TOP6BL: variants seen among roughly 807,000 people sequenced by gnomAD.
The protein encoded by TOP6BL is type 2 DNA topoisomerase 6 subunit B-like.
At chr11:66,819,677 G>A in the TOP6BL span, among the ~76,000 whole-genome samples, 3 of 151,872 alleles carry the variant, frequency 2.0e-5, no homozygotes, top group African/African-American at 7.3e-5. Flanking sequence ...CGAGGCGGGC[G>A]GATCACACTG....
chr11:66,810,282 G>C, the TOP6BL span, among the ~76,000 whole-genome samples: 1 of 152,160 alleles, frequency 6.6e-6, no homozygotes, highest in Non-Finnish European at 1.5e-5. Flanking sequence ...GAAGAAAAAT[G>C]TTGCCAGACG....
At chr11:66,771,388 GCGGATCATGAGGT>G in the TOP6BL span, 1 of 152,102 alleles carries the variant, frequency 6.6e-6, no homozygotes, top group Non-Finnish European at 1.5e-5. Context: ...GCCAAGGTGG[GCGGATCATGAGGT>G]CAGGAGATTG....
the TOP6BL span, among the ~76,000 whole-genome samples, chr11:66,763,270 C>A: frequency 6.6e-6 from 1 of 152,134 alleles, no homozygotes. Context: ...TCCCCTTTTC[C>A]TTTGTAAATT....
chr11:66,791,476 C>A, the TOP6BL span, among the ~76,000 whole-genome samples: 10 of 152,068 alleles, frequency 6.6e-5, no homozygotes, highest in Admixed American at 6.5e-4. Flanking sequence ...TATATTTATA[C>A]ATCTGTACTT....
At chr11:66,827,207 C>T in the TOP6BL span, among the ~76,000 whole-genome samples, 1,646 of 151,670 alleles carry the variant, frequency 0.011, 36 homozygotes, top group African/African-American at 0.037. Context: ...TGCGCCACCA[C>T]GCCCAGCTAA....
At chr11:66,797,007 T>TC in the TOP6BL span, among the ~76,000 whole-genome samples, 1 of 151,258 alleles carries the variant, frequency 6.6e-6, no homozygotes, top group East Asian at 1.9e-4. Flanking sequence ...GCAATCTTTT[T>TC]TTTTTTTTTT....
At chr11:66,758,302 C>CTGTTTTTTTTTTTTTTTTTTTTTT in the TOP6BL span, 2 of 67,318 alleles carry the variant, frequency 3.0e-5, no homozygotes, top group Non-Finnish European at 4.9e-5. Context: ...TTTTCTTTTT[C>CTGTTTTTTTTTTTTTTTTTTTTTT]TTTTTTTTTT....
the TOP6BL span, among the ~76,000 whole-genome samples, chr11:66,753,642 G>A: frequency 7.9e-5 from 12 of 151,924 alleles, no homozygotes; most frequent in Admixed American, 5.9e-4. Context: ...TCCTGACCTC[G>A]TGATCCACCT....
chr11:66,764,975 A>T, the TOP6BL span, among the ~76,000 whole-genome samples: 1 of 152,122 alleles, frequency 6.6e-6, no homozygotes, highest in Non-Finnish European at 1.5e-5. Flanking sequence ...CTCCAAAAAA[A>T]AAAAGCTATA....
chr11:66,756,413 A>T, the TOP6BL span: 3 of 1,121,116 alleles, frequency 2.7e-6, no homozygotes, highest in Non-Finnish European at 3.4e-6. Context: ...GCTCACTGCA[A>T]CCTCCACCTC....
the TOP6BL span, among the ~76,000 whole-genome samples, chr11:66,774,761 G>A: frequency 2.0e-5 from 3 of 151,442 alleles, no homozygotes; most frequent in South Asian, 2.1e-4. Flanking sequence ...GTGAGTCACC[G>A]CGCCTGACCT....
chr11:66,747,474 G>A, the TOP6BL span, among the ~76,000 whole-genome samples: 1 of 151,730 alleles, frequency 6.6e-6, no homozygotes, highest in Non-Finnish European at 1.5e-5. Flanking sequence ...GCCTCCCAAA[G>A]TGCTGGGATT....
At chr11:66,801,917 T>C in the TOP6BL span, among the ~76,000 whole-genome samples, 1 of 152,296 alleles carries the variant, frequency 6.6e-6, no homozygotes, top group South Asian at 2.1e-4. Flanking sequence ...TGTCTTGCCT[T>C]CCTGTGCCAT....
At chr11:66,770,170 C>T in the TOP6BL span, among the ~76,000 whole-genome samples, 1 of 152,154 alleles carries the variant, frequency 6.6e-6, no homozygotes, top group African/African-American at 2.4e-5. Flanking sequence ...TATCTGAAAG[C>T]CAGGAAGAGA....
the TOP6BL span, among the ~76,000 whole-genome samples, chr11:66,825,228 CA>C: frequency 6.7e-6 from 1 of 149,480 alleles, no homozygotes; most frequent in East Asian, 2.0e-4. Flanking sequence ...TAAGTAATGT[CA>C]ACACTTTGGG....
chr11:66,745,915 A>G, the TOP6BL span, among the ~76,000 whole-genome samples: 3 of 152,214 alleles, frequency 2.0e-5, no homozygotes, highest in African/African-American at 7.2e-5. Context: ...GGTTCAAGGG[A>G]TTCTCCTGTC....
chr11:66,816,295 T>G, the TOP6BL span: 33 of 1,294,022 alleles, frequency 2.6e-5, no homozygotes, highest in Non-Finnish European at 3.4e-5. Context: ...TAGATATATT[T>G]CTGTAGAATA....
chr11:66,757,235 CA>C, the TOP6BL span, among the ~76,000 whole-genome samples: 1 of 151,954 alleles, frequency 6.6e-6, no homozygotes, highest in Non-Finnish European at 1.5e-5. Context: ...CCCAGCTACC[CA>C]GGAGGCTGAG....
At chr11:66,835,926 G>A in the TOP6BL span, among the ~76,000 whole-genome samples, 1 of 152,130 alleles carries the variant, frequency 6.6e-6, no homozygotes, top group Non-Finnish European at 1.5e-5. Context: ...GAATTGCTGA[G>A]TCATATGATA....
Sources: gnomAD v4.1 joint callset for allele counts (sites outside exome capture counted in the v4.1 genomes callset) on GRCh38, gnomAD v4.1.1 for gene constraint, MANE v1.5 for transcripts, NCBI Gene and HGNC (gene_info 2026-07-23, HGNC 2026-07-21) for gene names.